RREB1: variants seen among roughly 807,000 people sequenced by gnomAD.
The protein encoded by RREB1 is ras-responsive element-binding protein 1.
Under a neutral mutation model 117.8 loss-of-function variants are expected in RREB1, and 27 were observed. The ratio of observed to expected loss-of-function variants is 0.23; its 90% CI spans 0.17 to 0.32. The LOEUF (loss-of-function observed/expected upper bound fraction) is 0.32. Ranked by LOEUF, RREB1 falls within the 10% of genes least tolerant of loss-of-function variation. The probability of loss-of-function intolerance (pLI) is 1.00; values close to 1 mark genes in which losing one functional copy is unlikely to be tolerated. For missense variants in RREB1, 2,577 were observed against 2,378.2 expected (o/e 1.08, Z -1.74); for synonymous variants, 1,298 against 1,026.7 (o/e 1.26, Z -5.05).
intron 1 of RREB1, among the ~76,000 whole-genome samples, chr6:7,146,478 C>G (rs1242685282): frequency 6.6e-6 from 1 of 152,078 alleles, no homozygotes; most frequent in East Asian, 1.9e-4. Context: ...TCGGTGCCAG[C>G]AAGTCAGGAG....
chr6:7,214,773 CTGT>C (rs1301700961), intron 8 of RREB1: 1 of 152,290 alleles, frequency 6.6e-6, no homozygotes, highest in African/African-American at 2.4e-5. Context: ...CTCAAAACAG[CTGT>C]TGCCTTCTCA....
At chr6:7,194,806 G>T (rs1180919462) in intron 6 of RREB1, among the ~76,000 whole-genome samples, 1 of 152,178 alleles carries the variant, frequency 6.6e-6, no homozygotes, top group African/African-American at 2.4e-5. Context: ...CATGCCCTAG[G>T]TAGAGGGAGT....
Position 7,246,617 on chromosome 6 carries a change from G to C in RREB1, c.4167G>C (p.Glu1389Asp). Reference protein sequence around the residue: ...REEHGRGESHEPEEEHGTEES... With the variant: ...REEHGRGESHDPEEEHGTEES... ...AGCACGGGCGTGGGGAGAGCCATGA[G>C]CCGGAGGAGGAGCATGGCACTGAGG... Residue 1389 changes from glutamate to aspartate, a missense_variant, in exon 12 of 13, where the codon GAG becomes GAC. By Grantham distance (45) the Glu-to-Asp change is conservative. Transcript: ENST00000379938. 1 of 1,564,616 alleles carries C rather than the reference G, an allele frequency of 6.4e-7. No homozygotes were observed. Among genetic ancestry groups the C allele is most frequent in the Non-Finnish European group, 8.7e-7 (1 of 1,154,882 alleles).
At chr6:7,247,284 G>C in intron 12 of RREB1, 63 bp downstream of exon 12, 1 of 1,478,764 alleles carries the variant, frequency 6.8e-7, no homozygotes, top group Non-Finnish European at 9.1e-7. Flanking sequence ...CCTCTCCTAG[G>C]AGCTCCCCTG....
chr6:7,143,955 A>G (rs1314274802), intron 1 of RREB1, among the ~76,000 whole-genome samples: 21 of 150,214 alleles, frequency 1.4e-4, no homozygotes, highest in African/African-American at 5.2e-4. Context: ...TTCAAATGTA[A>G]GTTTCAGAAA....
At chr6:7,189,596 G>T (rs1765290641) in intron 6 of RREB1, among the ~76,000 whole-genome samples, 1 of 152,164 alleles carries the variant, frequency 6.6e-6, no homozygotes, top group South Asian at 2.1e-4. Context: ...TTGGGTGCTA[G>T]AAGTGGGCAG....
intron 1 of RREB1, among the ~76,000 whole-genome samples, chr6:7,149,379 T>C (rs543009559): frequency 6.6e-6 from 1 of 152,232 alleles, no homozygotes; most frequent in Non-Finnish European, 1.5e-5. Context: ...AAAGGAATAC[T>C]GAACTTAAAG....
At chr6:7,119,361 A>AAAG (rs1043913873) in intron 1 of RREB1, among the ~76,000 whole-genome samples, 55 of 152,282 alleles carry the variant, frequency 3.6e-4, no homozygotes, top group African/African-American at 1.3e-3. Context: ...AAAAAAAAGA[A>AAAG]AAGGACACGT....
intron 1 of RREB1, among the ~76,000 whole-genome samples, chr6:7,123,416 C>A (rs1761765636): frequency 6.6e-6 from 1 of 152,198 alleles, no homozygotes; most frequent in Admixed American, 6.5e-5. Context: ...CCCGTCTCAG[C>A]CTCCCGAAGT....
intron 6 of RREB1, among the ~76,000 whole-genome samples, chr6:7,208,739 T>G (rs1190601975): frequency 6.6e-6 from 1 of 152,246 alleles, no homozygotes; most frequent in Non-Finnish European, 1.5e-5. Flanking sequence ...GTTCTATGCC[T>G]GAGCTGTGGG....
intron 1 of RREB1, among the ~76,000 whole-genome samples, chr6:7,174,463 T>G (rs1369181940): frequency 3.3e-5 from 5 of 152,160 alleles, no homozygotes; most frequent in Non-Finnish European, 7.3e-5. Context: ...GTGGACCTTT[T>G]TTTAAGGTGT....
At chr6:7,210,486 T>G (rs1294347399) in intron 6 of RREB1, among the ~76,000 whole-genome samples, 1 of 152,226 alleles carries the variant, frequency 6.6e-6, no homozygotes, top group Non-Finnish European at 1.5e-5. Context: ...TGTCCTAAAA[T>G]GGTACTTTTT....
intron 6 of RREB1, among the ~76,000 whole-genome samples, chr6:7,202,841 C>T (rs1766061120): frequency 6.6e-6 from 1 of 152,192 alleles, no homozygotes; most frequent in African/African-American, 2.4e-5. Flanking sequence ...CCGATTATAG[C>T]TCTATGTTAA....
chr6:7,182,014 G>C lies in RREB1; in HGVS notation c.103G>C (p.Gly35Arg). Residue 35 changes from glycine (G) to arginine (R), a missense_variant, in exon 4 of 13, where the codon GGG becomes CGG. By Grantham distance (125) the Gly-to-Arg change is moderately radical. Transcript: ENST00000379938. ...TGTAGGGAAGGTCACAGAGAATGGC[G>C]GGAGCCCCCAGGGGATCAAGTCCCC... is the stretch of plus-strand genomic sequence containing the variant. ...MSVGKVTENG[G>R]SPQGIKSPSK... is the part of the protein sequence containing the mutation. 1 of 1,613,874 alleles carries C rather than the reference G, an allele frequency of 6.2e-7. No individual in the cohort carries two copies. The highest frequency in any genetic ancestry group is 8.5e-7 in the Non-Finnish European group (1 of 1,179,944).
chr6:7,214,489 G>T, intron 8 of RREB1: 1 of 152,574 alleles, frequency 6.6e-6, no homozygotes, highest in Non-Finnish European at 1.5e-5. Flanking sequence ...ATGGGGTGGG[G>T]CTGGCATCTG....
chr6:7,161,499 A>G (rs1763661899), intron 1 of RREB1, among the ~76,000 whole-genome samples: 1 of 152,190 alleles, frequency 6.6e-6, no homozygotes, highest in Non-Finnish European at 1.5e-5. Context: ...CAGTTTGACA[A>G]TTAACATGTA....
rs761264512 is a variant in RREB1, at chr6:7,231,731, C to T, written c.3632C>T (p.Ala1211Val). 1.2e-5 allele frequency: 19 copies of T among 1,613,654 alleles called. No homozygotes were observed. In the African/African-American group the frequency reaches 2.3e-4, roughly 19 times the overall value. Reference sequence around the variant, plus strand: ...AACACTCAGGATGAGGTGGCCGGAGCCCCTGCCGACCACCATGGGCCCAGT... The same window carrying T: ...AACACTCAGGATGAGGTGGCCGGAGTCCCTGCCGACCACCATGGGCCCAGT... Reference protein sequence around the residue: ...EDNTQDEVAGAPADHHGPSDE... With the variant: ...EDNTQDEVAGVPADHHGPSDE... The change falls in exon 10 of 13, where the codon GCC (alanine) becomes GTC (valine). Residue 1211 changes from alanine (A) to valine (V), a missense_variant. Coordinates refer to ENST00000379938, the MANE Select transcript of RREB1 (RefSeq NM_001003699.4).
At chr6:7,184,271 A>ATTT (rs1320931894) in intron 4 of RREB1, among the ~76,000 whole-genome samples, 9 of 150,104 alleles carry the variant, frequency 6.0e-5, no homozygotes, top group African/African-American at 2.2e-4. Flanking sequence ...TTTTATTATT[A>ATTT]TTATTTTTTT....
At chr6:7,237,716 A>G (rs565043650) in intron 10 of RREB1, among the ~76,000 whole-genome samples, 1 of 152,284 alleles carries the variant, frequency 6.6e-6, no homozygotes, top group South Asian at 2.1e-4. Context: ...TGTTTTTGAA[A>G]CCTGCGTTAT....
Sources: gnomAD v4.1 joint callset for allele counts (sites outside exome capture counted in the v4.1 genomes callset) on GRCh38, gnomAD v4.1.1 for gene constraint, MANE v1.5 for transcripts, NCBI Gene and HGNC (gene_info 2026-07-23, HGNC 2026-07-21) for gene names.